EIF4G3: variants seen among roughly 807,000 people sequenced by gnomAD.
EIF4G3 encodes eIF-4-gamma 3.
A neutral mutation model predicts 186.4 loss-of-function variants in EIF4G3; 34 were observed. The ratio of observed to expected loss-of-function variants is 0.18; its 90% CI spans 0.14 to 0.24. The LOEUF is 0.24. EIF4G3 is among the 10% of genes least tolerant of loss of function. The pLI is 1.00. For synonymous variants in EIF4G3, 673 were observed against 679.5 expected (o/e 0.99, Z 0.15); for missense variants, 1,536 against 1,948.5 (o/e 0.79, Z 3.99).
chr1:20,821,461 CCA>C (rs1192610929), intron 33 of EIF4G3, among the ~76,000 whole-genome samples: 1 of 152,174 alleles, frequency 6.6e-6, no homozygotes, highest in Non-Finnish European at 1.5e-5. Context: ...TAACGAGACT[CCA>C]CAGTTCTAAA....
chr1:20,986,744 C>CAAAAAAAAAAAAAAAAAAAA (rs61255473), intron 7 of EIF4G3, among the ~76,000 whole-genome samples: 6 of 66,316 alleles, frequency 9.0e-5, no homozygotes, highest in African/African-American at 2.7e-4. Context: ...GCTCTGTCTC[C>CAAAAAAAAAAAAAAAAAAAA]AAAAAAAAAA....
At chr1:21,081,981 C>T (rs778997292) in intron 3 of EIF4G3, among the ~76,000 whole-genome samples, 26 of 151,258 alleles carry the variant, frequency 1.7e-4, no homozygotes, top group Admixed American at 5.3e-4. Flanking sequence ...AATACAGAGA[C>T]ACGGTCTCAC....
intron 10 of EIF4G3, among the ~76,000 whole-genome samples, chr1:20,976,875 A>G (rs983145895): frequency 9.9e-5 from 15 of 152,198 alleles, no homozygotes; most frequent in Admixed American, 3.9e-4. Flanking sequence ...CATCTCTACT[A>G]AAGTACTAAA....
chr1:20,851,228 A>C (rs374814439), intron 28 of EIF4G3, 30 bp downstream of exon 28: 19 of 1,602,358 alleles, frequency 1.2e-5, no homozygotes, highest in Non-Finnish European at 1.5e-5. Flanking sequence ...TAAAACCCAA[A>C]TCTGCATCTG....
chr1:20,933,327 A>G (rs146785049), intron 14 of EIF4G3, among the ~76,000 whole-genome samples: 1 of 152,248 alleles, frequency 6.6e-6, no homozygotes, highest in African/African-American at 2.4e-5. Context: ...AAGGAAATGG[A>G]GAGGAGGGAA....
At chr1:20,944,928 C>T (rs2095874237) in intron 13 of EIF4G3, among the ~76,000 whole-genome samples, 1 of 152,030 alleles carries the variant, frequency 6.6e-6, no homozygotes, top group South Asian at 2.1e-4. Context: ...CCACCTGAGC[C>T]CTGGAGGTTG....
chr1:21,035,341 C>G (rs2093096967), intron 4 of EIF4G3, among the ~76,000 whole-genome samples: 1 of 152,208 alleles, frequency 6.6e-6, no homozygotes, highest in Non-Finnish European at 1.5e-5. Context: ...GGAGTCCCAC[C>G]CCTCCTGAGT....
rs1043851682 is a variant in EIF4G3, at chr1:21,165,796, C to G, written c.-272+10379G>C. ...CTGGTTTTGAATATACCCAAAACCA[C>G]TGAATTATACACTCTAAATGGGTGA... is the stretch of plus-strand genomic sequence containing the variant. On this transcript the variant is annotated intron_variant, in intron 2 of 36. Transcript: ENST00000602326. Among the ~76,000 whole-genome samples the G allele has an allele frequency of 1.1e-4, 16 of 152,202 alleles. No homozygotes were observed. The East Asian group carries it at 2.9e-3, about 28-fold the overall frequency.
intron 14 of EIF4G3, among the ~76,000 whole-genome samples, chr1:20,916,042 TA>T (rs2093826062): frequency 1.3e-5 from 2 of 152,182 alleles, no homozygotes; most frequent in Admixed American, 1.3e-4. Flanking sequence ...AAAAATCTAT[TA>T]TATATTGTAT....
At chr1:21,126,667 A>C (rs1026392608) in intron 2 of EIF4G3, among the ~76,000 whole-genome samples, 6 of 152,172 alleles carry the variant, frequency 3.9e-5, no homozygotes, top group African/African-American at 2.4e-5. Flanking sequence ...TTAAAAAAAA[A>C]AACTAACAAT....
At chr1:21,171,672 T>C (rs186249132) in intron 2 of EIF4G3, among the ~76,000 whole-genome samples, 2 of 152,238 alleles carry the variant, frequency 1.3e-5, no homozygotes, top group Non-Finnish European at 2.9e-5. Flanking sequence ...CTTGCAAGAA[T>C]AACACAAATC....
chr1:21,032,779 T>G (rs2092850218), intron 4 of EIF4G3, among the ~76,000 whole-genome samples: 1 of 151,954 alleles, frequency 6.6e-6, no homozygotes, highest in African/African-American at 2.4e-5. Context: ...AAAATAGCTT[T>G]TAAAAAAAAC....
In EIF4G3 at chr1:20,922,156, A is replaced by G. The variant is rs148622943; in HGVS notation, c.1664-17185T>C. Among the ~76,000 whole-genome samples the G allele has an allele frequency of 1.7e-3, 255 of 152,298 alleles. 1 individual carries two copies. The highest frequency in any genetic ancestry group is 5.8e-3 in the African/African-American group (241 of 41,554). ...TCGAACATAACTTCTTAGAATCTGAAGACCTCTCTATCTTGTTTCAAACAT... is the reference window on the plus strand; with the variant it reads ...TCGAACATAACTTCTTAGAATCTGAGGACCTCTCTATCTTGTTTCAAACAT... On this transcript the variant is annotated intron_variant, in intron 14 of 36. Transcript: ENST00000602326.
chr1:20,810,650 T>C lies in EIF4G3; in HGVS notation c.4744+88A>G. 6.9e-7 allele frequency: 1 copy of C among 1,443,744 alleles called. No individual in the cohort carries two copies. The highest frequency in any genetic ancestry group is 9.6e-7 in the Non-Finnish European group (1 of 1,044,986). The allele number at this position is 1,443,744 out of a possible 1,614,324, so 89.4% of individuals were successfully genotyped here. A position where few individuals can be genotyped will look rare whatever the true frequency, so the allele number is the denominator to read the frequency against. ...GTTATTAGTGATTCTTTTATTGTCC[T>C]TTGTTCGAACCCTAAATCATCTCTA... is the stretch of plus-strand genomic sequence containing the variant. On this transcript the variant is annotated intron_variant, in intron 36 of 36. Transcript: ENST00000602326. This position sits in a 1 kb window ranked among gnomAD's most constrained non-coding sequence, Gnocchi z 4.1.
intron 4 of EIF4G3, among the ~76,000 whole-genome samples, chr1:21,044,071 C>T (rs2093735055): frequency 6.6e-6 from 1 of 152,146 alleles, no homozygotes; most frequent in Admixed American, 6.5e-5. Flanking sequence ...GAAAAGCCTA[C>T]CATGATTCTT....
chr1:20,844,201 TTC>T (rs2069824069), intron 29 of EIF4G3, among the ~76,000 whole-genome samples: 1 of 152,184 alleles, frequency 6.6e-6, no homozygotes, highest in South Asian at 2.1e-4. Flanking sequence ...GAAATGGTAT[TTC>T]TGTCTCTAGG....
At chr1:21,003,628 C>A (rs1430973612) in intron 4 of EIF4G3, 13 of 337,222 alleles carry the variant, frequency 3.9e-5, no homozygotes, top group South Asian at 1.1e-4. Context: ...GTTGTCAGTA[C>A]AATGAAACAA....
In EIF4G3 at chr1:20,862,295, A is replaced by G. The variant is rs2154552009; in HGVS notation, c.3044T>C (p.Ile1015Thr). The change falls in exon 23 of 37, where the codon ATT becomes ACT. Residue 1015 changes from isoleucine to threonine, a missense_variant. This residue lies in a region of EIF4G3 where 110 missense variants were observed against 166.2 expected (regional missense o/e 0.66). Transcript: ENST00000602326. ...AGATGAGGTTTTTCTTTCTTTCACA[A>G]TTTTCTCCATCTGATTAAAGTACTG... The part of the protein sequence containing the change: ...MDQYFNQMEK[I>T]VKERKTSSRI... 3.1e-6 allele frequency: 5 copies of G among 1,612,614 alleles called. No individual in the cohort carries two copies. Among genetic ancestry groups the G allele is most frequent in the Non-Finnish European group, 4.2e-6 (5 of 1,179,210 alleles).
intron 3 of EIF4G3, among the ~76,000 whole-genome samples, chr1:21,055,449 A>C (rs1447307302): frequency 6.6e-6 from 1 of 152,128 alleles, no homozygotes; most frequent in African/African-American, 2.4e-5. Context: ...AAATATTAAA[A>C]TACATTGTAT....
Sources: gnomAD v4.1 joint callset for allele counts (sites outside exome capture counted in the v4.1 genomes callset) on GRCh38, gnomAD v4.1.1 for gene constraint, gnomAD v4.1.1 regional missense constraint, Gnocchi (gnomAD v3.1) non-coding constraint, MANE v1.5 for transcripts, NCBI Gene and HGNC (gene_info 2026-07-23, HGNC 2026-07-21) for gene names.